Variants in XPO6 observed in about 807,000 individuals in gnomAD.
The protein encoded by XPO6 is exportin-6.
A neutral mutation model predicts 130.0 loss-of-function variants in XPO6; 3 were observed. That is an observed-to-expected ratio of 0.02 (90% CI 0.01 to 0.06). The LOEUF (loss-of-function observed/expected upper bound fraction) is 0.06, where lower values mean the gene tolerates loss of function less well. XPO6 is among the 10% of genes least tolerant of loss of function. XPO6 has a pLI of 1.00. For synonymous variants in XPO6, 524 were observed against 548.9 expected (o/e 0.95, Z 0.63); for missense variants, 970 against 1,393.0 (o/e 0.70, Z 4.83).
chr16:28,098,444 G>A lies in XPO6; in HGVS notation c.*94C>T, dbSNP rs1359395686. 10 of 1,133,036 alleles carry A rather than the reference G, an allele frequency of 8.8e-6. No individual in the cohort carries two copies. Among genetic ancestry groups the A allele is most frequent in the Admixed American group, 7.9e-5 (4 of 50,904 alleles). 70.2% of individuals were successfully genotyped at this position (1,133,036 alleles called of 1,614,324 possible). A position where few individuals can be genotyped will look rare whatever the true frequency, so the allele number is the denominator to read the frequency against. ...CTTGCGGTGGGAGAAGCCAAGGAGTGTGACCAAGGCCCATCTGGGAGACAT... is the reference window on the plus strand; with the variant it reads ...CTTGCGGTGGGAGAAGCCAAGGAGTATGACCAAGGCCCATCTGGGAGACAT... On this transcript the variant is annotated 3_prime_UTR_variant, in exon 24 of 24. Coordinates refer to ENST00000304658, the MANE Select transcript of XPO6 (RefSeq NM_015171.4).
intron 1 of XPO6, among the ~76,000 whole-genome samples, chr16:28,205,633 T>C (rs9940721): frequency 3.3e-5 from 5 of 151,964 alleles, no homozygotes; most frequent in Non-Finnish European, 5.9e-5. Context: ...AGGGGCAGTA[T>C]TAAATATTAC....
intron 1 of XPO6, among the ~76,000 whole-genome samples, chr16:28,186,393 C>CTTTTTTTTTTTTTTTTTT (rs1596952535): frequency 4.7e-4 from 2 of 4,240 alleles, no homozygotes; most frequent in East Asian, 2.9e-3. Context: ...TTTTTTTTTG[C>CTTTTTTTTTTTTTTTTTT]TAAAGACATG....
At chr16:28,190,978 T>G (rs2043778300) in intron 1 of XPO6, among the ~76,000 whole-genome samples, 1 of 152,220 alleles carries the variant, frequency 6.6e-6, no homozygotes, top group Non-Finnish European at 1.5e-5. Context: ...TATAACTTAT[T>G]CCTTGAAATC....
chr16:28,127,825 G>C lies in XPO6; in HGVS notation c.1607-1977C>G, dbSNP rs1043847057. Among the ~76,000 whole-genome samples, 5 of 152,226 alleles carry C rather than the reference G, an allele frequency of 3.3e-5. No individual in the cohort carries two copies. The East Asian group carries it at 9.6e-4, about 29-fold the overall frequency. ...GTAACTCATGGAAGGACCTCAGACA[G>C]AGAGGGCCAGTGACAAAGGCTGGTT... On this transcript the variant is annotated intron_variant, in intron 12 of 23. Transcript: ENST00000304658.
intron 1 of XPO6, among the ~76,000 whole-genome samples, chr16:28,196,460 G>C (rs116773825): frequency 0.016 from 2,453 of 152,278 alleles, 73 homozygotes; most frequent in African/African-American, 0.057. Flanking sequence ...TTCCTCTGGA[G>C]TGATGAAAAA....
intron 13 of XPO6, among the ~76,000 whole-genome samples, chr16:28,124,291 C>CA (rs2087333769): frequency 6.6e-6 from 1 of 152,218 alleles, no homozygotes; most frequent in South Asian, 2.1e-4. Flanking sequence ...CTCCTGACCT[C>CA]AGGTGATCTG....
rs1485042525 is a variant in XPO6 at position 28,111,970 on chromosome 16, A to G, written c.2188T>C (p.Leu730=). The G allele has an allele frequency of 8.1e-6, 13 of 1,613,868 alleles. No individual in the cohort carries two copies. In the East Asian group the frequency reaches 2.2e-4, roughly 28 times the overall value. ...VLVCRALSNI[L]LLPWPNLPEN... ...GGAAGGTTTGGCCACGGAAGCAGCA[A>G]GATGTTAGAGAGGGCTCGGCACACC... The change falls in exon 17 of 24, where the codon TTG becomes CTG. Residue 730 remains leucine (L), a synonymous_variant. Transcript: ENST00000304658.
chr16:28,204,456 G>A (rs2043998127), intron 1 of XPO6, among the ~76,000 whole-genome samples: 1 of 151,852 alleles, frequency 6.6e-6, no homozygotes, highest in Non-Finnish European at 1.5e-5. Context: ...CCAAAGGCCT[G>A]GAGCAGGAAC....
intron 4 of XPO6, among the ~76,000 whole-genome samples, chr16:28,175,645 G>A (rs2043522377): frequency 6.6e-6 from 1 of 151,342 alleles, no homozygotes; most frequent in Non-Finnish European, 1.5e-5. Flanking sequence ...GCACCTAACA[G>A]GCTTTCAAAT....
intron 9 of XPO6, among the ~76,000 whole-genome samples, chr16:28,141,784 C>T (rs1017305394): frequency 2.0e-5 from 3 of 152,182 alleles, no homozygotes; most frequent in African/African-American, 7.2e-5. Flanking sequence ...CACGGTGAAA[C>T]CCCGTCTCTA....
intron 1 of XPO6, among the ~76,000 whole-genome samples, chr16:28,188,183 C>A (rs1567645239): frequency 6.6e-6 from 1 of 152,202 alleles, no homozygotes; most frequent in Non-Finnish European, 1.5e-5. Context: ...TTCAAGCAAT[C>A]CTCCCACCTA....
At chr16:28,173,224 G>A (rs1876653381) in intron 4 of XPO6, 1 of 152,172 alleles carries the variant, frequency 6.6e-6, no homozygotes, top group Admixed American at 6.5e-5. Flanking sequence ...CGGATACAGA[G>A]GGATAACTCC....
chr16:28,160,503 C>CAA (rs1158204334), intron 6 of XPO6, among the ~76,000 whole-genome samples: 9 of 116,672 alleles, frequency 7.7e-5, no homozygotes, highest in African/African-American at 2.9e-4. Flanking sequence ...GACTCCATCA[C>CAA]CAAAAAAAAA....
intron 1 of XPO6, among the ~76,000 whole-genome samples, chr16:28,202,269 T>C (rs2043965783): frequency 6.6e-6 from 1 of 152,198 alleles, no homozygotes; most frequent in Non-Finnish European, 1.5e-5. Flanking sequence ...AACTTAAAAT[T>C]CAGGGCCCAT....
intron 2 of XPO6, among the ~76,000 whole-genome samples, chr16:28,179,580 T>C (rs1044222696): frequency 8.5e-5 from 13 of 152,306 alleles, no homozygotes; most frequent in Middle Eastern, 3.4e-3. Flanking sequence ...CACTCTACAA[T>C]GACCACATGG....
chr16:28,168,607 T>TC (rs1461332262), intron 5 of XPO6, among the ~76,000 whole-genome samples: 2 of 151,236 alleles, frequency 1.3e-5, no homozygotes, highest in South Asian at 2.1e-4. Flanking sequence ...TTTTTCTTTT[T>TC]TTTTTTTTTA....
chr16:28,179,145 A>C (rs1400185635), intron 2 of XPO6: 1 of 152,362 alleles, frequency 6.6e-6, no homozygotes, highest in Admixed American at 6.6e-5. Context: ...ATGAGCTCTT[A>C]ATGCTATGAC....
chr16:28,180,879 C>A (rs2043604681), intron 2 of XPO6, 62 bp downstream of exon 2: 2 of 1,393,366 alleles, frequency 1.4e-6, no homozygotes, highest in East Asian at 2.4e-5. Flanking sequence ...CGAACAACTC[C>A]TTCCTCCCTA....
rs556780862 is a variant in XPO6, at chr16:28,149,447, T to C, written c.1224+3212A>G. On this transcript the variant is annotated intron_variant, in intron 8 of 23. Coordinates refer to ENST00000304658, the MANE Select transcript of XPO6 (RefSeq NM_015171.4). ...GAAATTATGTTCATCAGTACAGTCATGTACCATATAACAACATTTCCATCA... is the reference window on the plus strand; with the variant it reads ...GAAATTATGTTCATCAGTACAGTCACGTACCATATAACAACATTTCCATCA... Among the ~76,000 whole-genome samples, 11 of 152,368 alleles carry C rather than the reference T, an allele frequency of 7.2e-5. No individual in the cohort carries two copies. In the East Asian group the frequency reaches 1.9e-3, roughly 27 times the overall value.
Sources: gnomAD v4.1 joint callset for allele counts (sites outside exome capture counted in the v4.1 genomes callset) on GRCh38, gnomAD v4.1.1 for gene constraint, MANE v1.5 for transcripts, NCBI Gene and HGNC (gene_info 2026-07-23, HGNC 2026-07-21) for gene names.